The following KSR2 variants were observed in gnomAD, a reference collection of about 807,000 sequenced individuals.
KSR2 encodes the protein kinase suppressor of ras 2.
KSR2 carries 25 observed loss-of-function variants against 107.8 expected under a neutral mutation model. The observed-to-expected ratio is 0.23, with a 90% CI of 0.17 to 0.32. The LOEUF (loss-of-function observed/expected upper bound fraction) is 0.32. KSR2 is among the 10% of genes least tolerant of loss of function. The pLI, the probability that KSR2 is intolerant of heterozygous loss-of-function variation, is 1.00. For missense variants in KSR2, 887 were observed against 1,268.9 expected (o/e 0.70, Z 4.57); for synonymous variants, 480 against 507.0 (o/e 0.95, Z 0.71).
chr12:117,696,292 G>A (rs1456407889), intron 4 of KSR2, among the ~76,000 whole-genome samples: 1 of 152,158 alleles, frequency 6.6e-6, no homozygotes, highest in Non-Finnish European at 1.5e-5. Context: ...CATAAGAAAA[G>A]CAGTGGACGG....
In KSR2 at chr12:117,531,712, C is replaced by T. The variant is rs1212544943; in HGVS notation, c.1688-5G>A. On this transcript the variant is annotated splice_polypyrimidine_tract_variant and splice_region_variant and intron_variant, in intron 10 of 19. Coordinates refer to ENST00000339824, the MANE Select transcript of KSR2 (RefSeq NM_173598.6). ...TGTATTTGTAGTAGTGGGATGCTTGCAAAAGAAAGAAAACATCAAAGTGAG... is the reference window on the plus strand; with the variant it reads ...TGTATTTGTAGTAGTGGGATGCTTGTAAAAGAAAGAAAACATCAAAGTGAG... 1 of 1,596,960 alleles carries T rather than the reference C, an allele frequency of 6.3e-7. No individual in the cohort carries two copies. The highest frequency in any genetic ancestry group is 8.5e-7 in the Non-Finnish European group (1 of 1,173,528).
intron 4 of KSR2, among the ~76,000 whole-genome samples, chr12:117,693,717 C>T (rs11068630): frequency 0.12 from 18,264 of 152,040 alleles, 1,134 homozygotes; most frequent in East Asian, 0.22. Context: ...AGGCCCTATG[C>T]GAGATGCTTT....
chr12:117,479,248 G>A (rs1871998643), intron 16 of KSR2, among the ~76,000 whole-genome samples: 1 of 152,204 alleles, frequency 6.6e-6, no homozygotes, highest in Non-Finnish European at 1.5e-5. Context: ...GGTAACTGCG[G>A]CAATCACAAC....
chr12:117,803,059 T>A (rs943617631), intron 3 of KSR2, among the ~76,000 whole-genome samples: 1 of 152,178 alleles, frequency 6.6e-6, no homozygotes, highest in African/African-American at 2.4e-5. Context: ...CACAAAAAAA[T>A]ATTTCCATTC....
intron 3 of KSR2, among the ~76,000 whole-genome samples, chr12:117,839,557 TTTTG>T (rs1266504477): frequency 4.6e-5 from 7 of 152,202 alleles, no homozygotes; most frequent in Non-Finnish European, 8.8e-5. Context: ...ATCGTTATTA[TTTTG>T]TTTATTAAAA....
At chr12:117,817,038 G>T (rs1044630032) in intron 3 of KSR2, among the ~76,000 whole-genome samples, 19 of 151,890 alleles carry the variant, frequency 1.3e-4, no homozygotes, top group African/African-American at 4.6e-4. Context: ...AAGATGAACA[G>T]CTGGATGGCT....
intron 9 of KSR2, among the ~76,000 whole-genome samples, chr12:117,551,770 C>T (rs1427170399): frequency 6.6e-6 from 1 of 152,078 alleles, no homozygotes; most frequent in Admixed American, 6.6e-5. Flanking sequence ...GAAAAAATAA[C>T]GCAGCCCTAT....
chr12:117,543,114 T>C (rs1387454679), intron 9 of KSR2, among the ~76,000 whole-genome samples: 1 of 152,216 alleles, frequency 6.6e-6, no homozygotes, highest in Admixed American at 6.5e-5. Context: ...TGTGAACATA[T>C]GTTTTTATTT....
At chr12:117,732,170 G>A (rs1887753638) in intron 4 of KSR2, among the ~76,000 whole-genome samples, 2 of 152,122 alleles carry the variant, frequency 1.3e-5, no homozygotes, top group African/African-American at 4.8e-5. Context: ...GGTGGTAACT[G>A]CTAAAATTGT....
At chr12:117,652,938 C>T (rs1184438447) in intron 5 of KSR2, among the ~76,000 whole-genome samples, 3 of 152,170 alleles carry the variant, frequency 2.0e-5, no homozygotes, top group African/African-American at 7.2e-5. Context: ...TGGCAGAACC[C>T]CCACATTGGC....
At chr12:117,729,431 G>A (rs964785035) in intron 4 of KSR2, among the ~76,000 whole-genome samples, 6 of 152,098 alleles carry the variant, frequency 3.9e-5, no homozygotes, top group African/African-American at 9.7e-5. Context: ...GAGATCTGTC[G>A]AAAGGAATGA....
chr12:117,607,032 G>C (rs1881315608), intron 5 of KSR2, among the ~76,000 whole-genome samples: 1 of 152,124 alleles, frequency 6.6e-6, no homozygotes, highest in African/African-American at 2.4e-5. Flanking sequence ...TAGGTGATGG[G>C]ACCATGTGTA....
chr12:117,811,237 G>A (rs79967855), intron 3 of KSR2, among the ~76,000 whole-genome samples: 2,675 of 152,164 alleles, frequency 0.018, 34 homozygotes, highest in Non-Finnish European at 0.029. Flanking sequence ...CCTCTGCCCC[G>A]TAGAGCCCTT....
At chr12:117,573,084 C>T (rs1253823675) in intron 7 of KSR2, among the ~76,000 whole-genome samples, 2 of 152,200 alleles carry the variant, frequency 1.3e-5, no homozygotes, top group Admixed American at 6.5e-5. Context: ...CTGCAAATTG[C>T]TTTCGGAGTC....
rs1232415190 is a variant in KSR2, at chr12:117,466,798, CAA to C, written c.*399_*400del. On this transcript the variant is annotated 3_prime_UTR_variant, in exon 20 of 20. Coordinates refer to ENST00000339824, the MANE Select transcript of KSR2 (RefSeq NM_173598.6). ...CTGGCTCTTGCTTGTCAAGGGGAAA[CAA>C]GAGTGAACAACGTCAAACACACAGA... is the stretch of plus-strand genomic sequence containing the variant. 5 of 186,460 alleles carry C rather than the reference CAA, an allele frequency of 2.7e-5. No homozygotes were observed. The highest frequency in any genetic ancestry group is 7.0e-5 in the African/African-American group (3 of 42,884). The allele number at this position is 186,460 out of a possible 1,614,324, so 11.6% of individuals were successfully genotyped here.
At chr12:117,771,916 C>T (rs1265329652) in intron 3 of KSR2, among the ~76,000 whole-genome samples, 2 of 150,978 alleles carry the variant, frequency 1.3e-5, no homozygotes, top group African/African-American at 4.9e-5. Context: ...ATACCATTCC[C>T]CCAAAGATGC....
intron 1 of KSR2, among the ~76,000 whole-genome samples, chr12:117,928,521 T>C (rs1895605280): frequency 6.6e-6 from 1 of 152,208 alleles, no homozygotes; most frequent in Admixed American, 6.6e-5. Flanking sequence ...TGGGTGTGTC[T>C]ATGGTATGGT....
At chr12:117,547,746 G>A (rs1234742084) in intron 9 of KSR2, among the ~76,000 whole-genome samples, 1 of 152,070 alleles carries the variant, frequency 6.6e-6, no homozygotes. Context: ...TTTACTCATT[G>A]ACACATCCAG....
intron 1 of KSR2, among the ~76,000 whole-genome samples, chr12:117,920,374 A>G (rs1027653818): frequency 3.3e-5 from 5 of 150,354 alleles, no homozygotes; most frequent in African/African-American, 1.2e-4. Flanking sequence ...TGCTGAGATT[A>G]CAGGGCTGAA....
Sources: allele counts gnomAD v4.1 joint callset (sites outside exome capture counted in the v4.1 genomes callset), GRCh38; gene constraint gnomAD v4.1.1; transcripts MANE v1.5; gene names NCBI Gene and HGNC (gene_info 2026-07-23, HGNC 2026-07-21).